The following UBR1 variants were observed in gnomAD, a reference collection of about 807,000 sequenced individuals.
UBR1 encodes E3 ubiquitin-protein ligase UBR1.
In UBR1, 102 loss-of-function variants were observed where a neutral mutation model predicts 242.1. The observed-to-expected ratio is 0.42, with a 90% confidence interval of 0.36 to 0.50. The LOEUF is 0.50. UBR1 is among the 20% of genes least tolerant of loss of function. The pLI is 0.01. For synonymous variants in UBR1, 675 were observed against 684.8 expected (o/e 0.99, Z 0.22); for missense variants, 1,772 against 2,101.8 (o/e 0.84, Z 3.07).
intron 1 of UBR1, among the ~76,000 whole-genome samples, chr15:43,105,635 C>T (rs1240552283): frequency 6.6e-6 from 1 of 152,176 alleles, no homozygotes; most frequent in South Asian, 2.1e-4. Context: ...ATGGCTCTTG[C>T]TCCAACCCCG....
chr15:42,946,418 G>A (rs552012851), intron 46 of UBR1, among the ~76,000 whole-genome samples: 1 of 152,034 alleles, frequency 6.6e-6, no homozygotes, highest in Non-Finnish European at 1.5e-5. Flanking sequence ...GAACCACCGC[G>A]GCCGCCTGGT....
At chr15:43,000,883 G>A (rs2032712534) in intron 32 of UBR1, among the ~76,000 whole-genome samples, 1 of 151,820 alleles carries the variant, frequency 6.6e-6, no homozygotes, top group South Asian at 2.1e-4. Context: ...GCCCAGGCTG[G>A]AGTGCAATGG....
intron 29 of UBR1, among the ~76,000 whole-genome samples, chr15:43,008,623 C>A (rs1223340215): frequency 6.6e-6 from 1 of 152,212 alleles, no homozygotes; most frequent in Non-Finnish European, 1.5e-5. Flanking sequence ...CCAGGAATGG[C>A]CTGAAGCCTG....
chr15:42,990,512 A>G (rs1418056828), intron 33 of UBR1, among the ~76,000 whole-genome samples: 1 of 152,202 alleles, frequency 6.6e-6, no homozygotes, highest in African/African-American at 2.4e-5. Flanking sequence ...ATTTTAGGAA[A>G]CTTGGAATAT....
At chr15:42,990,730 T>A (rs923617592) in intron 33 of UBR1, among the ~76,000 whole-genome samples, 5 of 152,220 alleles carry the variant, frequency 3.3e-5, no homozygotes, top group African/African-American at 1.2e-4. Context: ...TATTTTGCCA[T>A]GTTTAATGAC....
rs2032447986 is a variant in UBR1, at chr15:42,985,713, G to A, written c.3998-771C>T. ...TAGGAAAAAAAGAAAATGAGACCGG[G>A]TGCAGTGGTTCATGCCTGTAATCCC... is the stretch of plus-strand genomic sequence containing the variant. On this transcript the variant is annotated intron_variant, in intron 35 of 46. Transcript: ENST00000290650. Among the ~76,000 whole-genome samples, 3 of 152,148 alleles carry A rather than the reference G, an allele frequency of 2.0e-5. No homozygotes were observed. The South Asian group carries it at 6.2e-4, about 32-fold the overall frequency.
At position 43,021,356 on chromosome 15, in the gene UBR1, C is replaced by A; in HGVS notation, c.2859G>T (p.Met953Ile). ...HKASRLGSSA[M>I]NIQMLLEKLK... ...GTTTTTCCAAAAGCATTTGTATATT[C>A]ATGGCTGAACTTCCCAATCCTTTTT... Residue 953 changes from methionine to isoleucine, a missense_variant, in exon 27 of 47, where the codon ATG becomes ATT. Coordinates refer to ENST00000290650, the MANE Select transcript of UBR1 (RefSeq NM_174916.3). 1 of 1,613,660 alleles carries A rather than the reference C, an allele frequency of 6.2e-7. No homozygotes were observed. Among genetic ancestry groups the A allele is most frequent in the East Asian group, 2.2e-5 (1 of 44,780 alleles).
At chr15:43,048,004 T>C (rs1403183192) in intron 13 of UBR1, among the ~76,000 whole-genome samples, 4 of 152,122 alleles carry the variant, frequency 2.6e-5, no homozygotes, top group East Asian at 1.9e-4. Context: ...CTGGCCAACA[T>C]GGTGAAACCC....
At position 43,035,611 on chromosome 15, in the gene UBR1, T is replaced by C. The variant is rs968481459; in HGVS notation, c.2190+567A>G. Among the ~76,000 whole-genome samples, 4 of 150,396 alleles carry C rather than the reference T, an allele frequency of 2.7e-5. No individual in the cohort carries two copies. In the East Asian group the frequency reaches 7.8e-4, roughly 29 times the overall value. The stretch of plus-strand genomic sequence containing the variant: ...ACTCTGATGGTAGTTTCTTTTGCTG[T>C]GCAGAAGCTCTTTAGTTTAATTAGA... On this transcript the variant is annotated intron_variant, in intron 19 of 46. Coordinates refer to ENST00000290650, the MANE Select transcript of UBR1 (RefSeq NM_174916.3).
chr15:42,947,988 G>A (rs918940859), intron 46 of UBR1, among the ~76,000 whole-genome samples: 33 of 152,118 alleles, frequency 2.2e-4, no homozygotes, highest in Non-Finnish European at 3.5e-4. Context: ...TCAATCCTAA[G>A]CCAAAAGAAC....
intron 1 of UBR1, among the ~76,000 whole-genome samples, chr15:43,095,754 A>G (rs1488531102): frequency 2.0e-5 from 3 of 152,248 alleles, no homozygotes; most frequent in African/African-American, 7.2e-5. Flanking sequence ...TTCACAGAGC[A>G]CAGCATATGC....
At chr15:43,059,873 TTTAG>T (rs1567139720) in intron 7 of UBR1, 48 bp from the exon 8 acceptor site, 4 of 1,609,504 alleles carry the variant, frequency 2.5e-6, no homozygotes, top group Non-Finnish European at 3.4e-6. Context: ...AAAATTTGCT[TTTAG>T]TTAAGGGATT....
intron 36 of UBR1, among the ~76,000 whole-genome samples, 172 bp from the exon 37 acceptor site, chr15:42,984,165 T>G (rs2032425317): frequency 6.6e-6 from 1 of 152,200 alleles, no homozygotes. Flanking sequence ...CTGTACAAGG[T>G]TTTATGGCCT....
At chr15:43,073,986 A>T (rs1192303520) in intron 4 of UBR1, among the ~76,000 whole-genome samples, 1 of 152,264 alleles carries the variant, frequency 6.6e-6, no homozygotes, top group African/African-American at 2.4e-5. Context: ...AAGTTGTGAA[A>T]TAATTCATCT....
chr15:43,065,896 A>G (rs2033746921), intron 6 of UBR1, among the ~76,000 whole-genome samples: 1 of 152,188 alleles, frequency 6.6e-6, no homozygotes, highest in South Asian at 2.1e-4. Context: ...ACAAATTGCA[A>G]AAATGTTCTC....
At position 42,944,843 on chromosome 15, in the gene UBR1, T is replaced by C. The variant is rs1414486446; in HGVS notation, c.*486A>G. On this transcript the variant is annotated 3_prime_UTR_variant, in exon 47 of 47. Coordinates refer to ENST00000290650, the MANE Select transcript of UBR1 (RefSeq NM_174916.3). ...AAAGAGAAATAATAAAAAATTTATT[T>C]TTGGAATCTTTCCCAAGTATATTGC... 1.7e-5 allele frequency: 3 copies of C among 172,112 alleles called. No individual in the cohort carries two copies. 10.7% of individuals were successfully genotyped at this position (172,112 alleles called of 1,614,324 possible).
At chr15:43,053,298 C>T (rs1443584196) in intron 12 of UBR1, among the ~76,000 whole-genome samples, 2 of 152,088 alleles carry the variant, frequency 1.3e-5, no homozygotes, top group African/African-American at 2.4e-5. Flanking sequence ...TAGTCAGAGA[C>T]TCATAAAATA....
In UBR1 at chr15:43,024,821, A is replaced by C; in HGVS notation, c.2739+8T>G. The C allele has an allele frequency of 6.2e-7, 1 of 1,614,166 alleles. No homozygotes were observed. Among genetic ancestry groups the C allele is most frequent in the Non-Finnish European group, 8.5e-7 (1 of 1,179,996 alleles). On this transcript the variant is annotated splice_region_variant and intron_variant, in intron 25 of 46. Coordinates refer to ENST00000290650, the MANE Select transcript of UBR1 (RefSeq NM_174916.3). ...TTGATGTAGAGAAAATATTTCAGGT[A>C]AACAAACCATTTGGAGCATCCCTTC... is the stretch of plus-strand genomic sequence containing the variant.
At chr15:43,034,299 G>A (rs1247111051) in intron 19 of UBR1, among the ~76,000 whole-genome samples, 1 of 150,518 alleles carries the variant, frequency 6.6e-6, no homozygotes, top group Non-Finnish European at 1.5e-5. Context: ...TAAATGAGCT[G>A]GGCGTGGTGG....
Sources: gnomAD v4.1 joint callset for allele counts (sites outside exome capture counted in the v4.1 genomes callset) on GRCh38, gnomAD v4.1.1 for gene constraint, MANE v1.5 for transcripts, NCBI Gene and HGNC (gene_info 2026-07-23, HGNC 2026-07-21) for gene names.